Variants in GOLGA6A observed in about 807,000 individuals in gnomAD.
GOLGA6A encodes golgin subfamily A member 6A.
In GOLGA6A, 1 loss-of-function variant was observed where a neutral mutation model predicts 53.6. That is an observed-to-expected ratio of 0.02 (90% CI 0.01 to 0.09). The LOEUF (loss-of-function observed/expected upper bound fraction) is 0.09, where lower values mean the gene tolerates loss of function less well. Ranked by LOEUF, GOLGA6A falls within the 10% of genes least tolerant of loss-of-function variation. GOLGA6A has a pLI of 1.00. For missense variants in GOLGA6A, 23 were observed against 509.4 expected, an observed-to-expected ratio of 0.05 and a Z score of 9.19; for synonymous variants, 6 against 201.8, an observed-to-expected ratio of 0.03 and a Z score of 8.22.
chr15:74,076,623 T>TACACACACACACAC (rs368556511), intron 7 of GOLGA6A, among the ~76,000 whole-genome samples: 47 of 140,714 alleles, frequency 3.3e-4, no homozygotes, highest in African/African-American at 6.6e-4. Flanking sequence ...ATTATCATAG[T>TACACACACACACAC]ACACACACAC....
chr15:74,080,905 GC>G (rs2071999787), intron 1 of GOLGA6A, among the ~76,000 whole-genome samples, 170 bp from the exon 2 acceptor site: 3 of 109,522 alleles, frequency 2.7e-5, no homozygotes, highest in Non-Finnish European at 3.7e-5. Context: ...GGATATTATG[GC>G]TAAAAAAAAA....
At chr15:74,073,277 A>G (rs2071961225) in intron 12 of GOLGA6A, among the ~76,000 whole-genome samples, 1 of 151,094 alleles carries the variant, frequency 6.6e-6, no homozygotes, top group Non-Finnish European at 1.5e-5. Flanking sequence ...TCCCTTGCCT[A>G]GAACCCCATA....
chr15:74,078,108 G>T (rs1436680832), intron 3 of GOLGA6A, among the ~76,000 whole-genome samples: 1 of 143,902 alleles, frequency 6.9e-6, no homozygotes, highest in Non-Finnish European at 1.5e-5. Flanking sequence ...GCCAGCTACG[G>T]TTCTTCACAG....
chr15:74,075,071 A>AG lies in GOLGA6A; in HGVS notation c.848-71_848-70insC, dbSNP rs2071970524. The AG allele has an allele frequency of 1.8e-4, 77 of 420,374 alleles. 8 individuals carry two copies. The South Asian group carries it at 2.2e-3, about 12-fold the overall frequency. The allele number at this position is 420,374 out of a possible 1,614,324, so 26.0% of individuals were successfully genotyped here. A position where few individuals can be genotyped will look rare whatever the true frequency, so the allele number is the denominator to read the frequency against. ...CCTCTACCCACATCCCCCTCAAAAA[A>AG]AAAAAAAAAACCTCCTCTTGATGCA... is the stretch of plus-strand genomic sequence containing the variant. On this transcript the variant is annotated intron_variant, in intron 10 of 17. Transcript: ENST00000290438.
intron 14 of GOLGA6A, among the ~76,000 whole-genome samples, chr15:74,071,939 C>T (rs1283106246): frequency 1.3e-5 from 2 of 152,030 alleles, no homozygotes; most frequent in African/African-American, 4.8e-5. Flanking sequence ...TGGGAACTGG[C>T]TCCAGCAGAG....
At chr15:74,080,481 T>C in intron 2 of GOLGA6A, 135 bp downstream of exon 2, 1 of 1,464,064 alleles carries the variant, frequency 6.8e-7, no homozygotes, top group Non-Finnish European at 9.2e-7. Flanking sequence ...CAACTTGCCA[T>C]AAATCAGATC....
chr15:74,070,933 A>G lies in GOLGA6A; in HGVS notation c.2059T>C (p.Ser687Pro). 1 of 1,612,192 alleles carries G rather than the reference A, an allele frequency of 6.2e-7. No individual in the cohort carries two copies. The highest frequency in any genetic ancestry group is 1.1e-5 in the South Asian group (1 of 91,030). The stretch of plus-strand genomic sequence containing the variant: ...TCCTAGGTGTCCTGCATGACAGGAG[A>G]CAGCTGCACGATCTGCTGTACAGTG... ...NPTVQQIVQL[S>P]PVMQDT Residue 687 changes from serine (S) to proline (P), a missense_variant, in exon 18 of 18, where the codon TCT becomes CCT. Transcript: ENST00000290438.
At chr15:74,073,185 A>G (rs1595931086) in intron 12 of GOLGA6A, among the ~76,000 whole-genome samples, 1 of 151,772 alleles carries the variant, frequency 6.6e-6, no homozygotes, top group Admixed American at 6.5e-5. Context: ...TTCTGGGCCC[A>G]TTAATAGGGT....
chr15:74,076,057 T>C, intron 7 of GOLGA6A, 72 bp from the exon 8 acceptor site: 1 of 1,611,640 alleles, frequency 6.2e-7, no homozygotes, highest in Non-Finnish European at 8.5e-7. Context: ...CTAGGCTCAA[T>C]ATACAACTCG....
intron 12 of GOLGA6A, among the ~76,000 whole-genome samples, chr15:74,073,622 A>ATC (rs2071964249): frequency 6.6e-6 from 1 of 152,122 alleles, no homozygotes; most frequent in African/African-American, 2.4e-5. Context: ...CAGTGGTGCA[A>ATC]TCTCAGCTCA....
At chr15:74,072,891 A>G in intron 12 of GOLGA6A, 74 bp from the exon 13 acceptor site, 1 of 1,595,110 alleles carries the variant, frequency 6.3e-7, no homozygotes, top group Non-Finnish European at 8.5e-7. Context: ...CGTCCTCAGC[A>G]ACTCCCTCCC....
chr15:74,076,228 T>G (rs1278788789), intron 7 of GOLGA6A, among the ~76,000 whole-genome samples: 12 of 146,620 alleles, frequency 8.2e-5, no homozygotes, highest in Non-Finnish European at 1.0e-4. Flanking sequence ...TTACTACCAC[T>G]GTTTGAACCG....
intron 7 of GOLGA6A, among the ~76,000 whole-genome samples, chr15:74,076,623 T>TACACACACAC (rs368556511): frequency 0.011 from 1,505 of 139,880 alleles, no homozygotes; most frequent in Admixed American, 0.014. Flanking sequence ...ATTATCATAG[T>TACACACACAC]ACACACACAC....
At chr15:74,080,348 A>C (rs1318360445) in intron 2 of GOLGA6A, among the ~76,000 whole-genome samples, 2 of 152,306 alleles carry the variant, frequency 1.3e-5, no homozygotes, top group African/African-American at 4.8e-5. Context: ...ACAGCAGGCC[A>C]CGTACTGGGG....
intron 12 of GOLGA6A, among the ~76,000 whole-genome samples, chr15:74,073,740 G>GTTT (rs1349806191): frequency 7.7e-3 from 947 of 122,710 alleles, no homozygotes; most frequent in Middle Eastern, 0.03. Flanking sequence ...TGTTGTTGTT[G>GTTT]TTGTAATTTT....
intron 12 of GOLGA6A, among the ~76,000 whole-genome samples, chr15:74,073,423 C>T (rs1316322091): frequency 1.6e-4 from 24 of 150,562 alleles, no homozygotes; most frequent in East Asian, 9.9e-4. Context: ...CAGGTATTCT[C>T]TCATTCAATC....
intron 10 of GOLGA6A, 74 bp from the exon 11 acceptor site, chr15:74,075,075 A>AAAAAAAAAC: frequency 3.8e-5 from 16 of 416,220 alleles, no homozygotes; most frequent in Admixed American, 1.8e-4. Context: ...CAAAAAAAAA[A>AAAAAAAAAC]AAAAAACCTC....
At chr15:74,076,193 A>G (rs1364296625) in intron 7 of GOLGA6A, among the ~76,000 whole-genome samples, 11 of 146,152 alleles carry the variant, frequency 7.5e-5, no homozygotes, top group Admixed American at 6.9e-5. Context: ...GAGATCAGAT[A>G]ATATTGCTAT....
intron 14 of GOLGA6A, among the ~76,000 whole-genome samples, 182 bp downstream of exon 14, chr15:74,072,036 C>T (rs2071944980): frequency 6.6e-6 from 1 of 152,352 alleles, no homozygotes; most frequent in African/African-American, 2.4e-5. Context: ...GAGAACAACC[C>T]CTTCCCTTGG....
Sources: allele counts gnomAD v4.1 joint callset (sites outside exome capture counted in the v4.1 genomes callset), GRCh38; gene constraint gnomAD v4.1.1; transcripts MANE v1.5; gene names NCBI Gene and HGNC (gene_info 2026-07-23, HGNC 2026-07-21).